Variants in DPYD observed in about 807,000 individuals in gnomAD.
DPYD encodes dihydropyrimidine dehydrogenase [NADP(+)].
Under a neutral mutation model 116.2 loss-of-function variants are expected in DPYD, and 109 were observed. The ratio of observed to expected loss-of-function variants is 0.94; its 90% CI spans 0.80 to 1.10. The LOEUF (loss-of-function observed/expected upper bound fraction) is 1.10, where lower values mean the gene tolerates loss of function less well. Among genes scored for constraint, DPYD ranks in the 50% least tolerant of loss-of-function variants. The pLI is 0.00. For synonymous variants in DPYD, 440 were observed against 432.0 expected, an observed-to-expected ratio of 1.02 and a Z score of -0.23; for missense variants, 1,302 against 1,254.5, an observed-to-expected ratio of 1.04 and a Z score of -0.57.
chr1:97,317,932 T>C (rs959466238), intron 16 of DPYD, among the ~76,000 whole-genome samples: 1 of 152,012 alleles, frequency 6.6e-6, no homozygotes, highest in African/African-American at 2.4e-5. Flanking sequence ...GGTATAGTTC[T>C]TTAAAGAATT....
chr1:97,563,034 C>T (rs1360517187), intron 11 of DPYD, among the ~76,000 whole-genome samples: 1 of 152,016 alleles, frequency 6.6e-6, no homozygotes, highest in African/African-American at 2.4e-5. Context: ...TCTAATTTAA[C>T]CAGAGTATTT....
chr1:97,346,103 C>G (rs1669827849), intron 16 of DPYD, among the ~76,000 whole-genome samples: 1 of 151,652 alleles, frequency 6.6e-6, no homozygotes. Flanking sequence ...ATGTTTTTAT[C>G]TTCCATATAC....
chr1:97,552,329 T>C (rs1382675122), intron 11 of DPYD, among the ~76,000 whole-genome samples: 1 of 152,134 alleles, frequency 6.6e-6, no homozygotes, highest in African/African-American at 2.4e-5. Context: ...GAATGTGCTT[T>C]ACCATATTTT....
chr1:97,719,718 C>G, intron 5 of DPYD: 1 of 984,834 alleles, frequency 1.0e-6, no homozygotes, highest in Non-Finnish European at 1.2e-6. Flanking sequence ...AATCAGGCAC[C>G]CTAATCGGCC....
chr1:97,377,553 G>C (rs1037317562), intron 15 of DPYD, among the ~76,000 whole-genome samples: 3 of 152,124 alleles, frequency 2.0e-5, no homozygotes, highest in Non-Finnish European at 4.4e-5. Context: ...GAAATTCTTG[G>C]AATATGACAG....
rs954469508 is a variant in DPYD at position 97,806,836 on chromosome 1, C to A, written c.233+21278G>T. Among the ~76,000 whole-genome samples the A allele has an allele frequency of 3.9e-5, 6 of 152,026 alleles. No individual in the cohort carries two copies. In the East Asian group the frequency reaches 9.6e-4, roughly 24 times the overall value. On this transcript the variant is annotated intron_variant, in intron 3 of 22. Coordinates refer to ENST00000370192, the MANE Select transcript of DPYD (RefSeq NM_000110.4). ...CACCTATTCATCTCTTCATCTTAAA[C>A]CCCTGGCAACCCCTCATATTTTCAC...
intron 10 of DPYD, among the ~76,000 whole-genome samples, chr1:97,578,751 G>A (rs1653443298): frequency 6.6e-6 from 1 of 152,284 alleles, no homozygotes; most frequent in South Asian, 2.1e-4. Context: ...CCCTTTGTGG[G>A]AAGAGGAGAC....
intron 18 of DPYD, among the ~76,000 whole-genome samples, chr1:97,303,506 G>C (rs1037687140): frequency 1.3e-5 from 2 of 151,960 alleles, no homozygotes; most frequent in African/African-American, 4.8e-5. Context: ...GCTAGGCTAA[G>C]TTTTGCTATA....
intron 13 of DPYD, among the ~76,000 whole-genome samples, chr1:97,459,883 T>G (rs1676920868): frequency 6.6e-6 from 1 of 152,054 alleles, no homozygotes; most frequent in Admixed American, 6.5e-5. Context: ...CAAAACTAAA[T>G]AGTACACTGT....
At chr1:97,808,733 C>A (rs937482283) in intron 3 of DPYD, among the ~76,000 whole-genome samples, 4 of 151,206 alleles carry the variant, frequency 2.6e-5, no homozygotes, top group African/African-American at 9.7e-5. Context: ...GGGTTTATAT[C>A]TTTTTATTAT....
chr1:97,254,068 C>A (rs923467134), intron 18 of DPYD, among the ~76,000 whole-genome samples: 3 of 152,066 alleles, frequency 2.0e-5, no homozygotes, highest in Non-Finnish European at 4.4e-5. Context: ...TTATCTAAAT[C>A]TCACAGAATC....
At chr1:97,730,738 AAGAG>A (rs753482363) in intron 4 of DPYD, among the ~76,000 whole-genome samples, 3 of 152,060 alleles carry the variant, frequency 2.0e-5, no homozygotes, top group African/African-American at 7.2e-5. Context: ...ATTAAATTTG[AAGAG>A]AGAAAGAAAA....
intron 13 of DPYD, among the ~76,000 whole-genome samples, chr1:97,485,252 C>T (rs898405682): frequency 3.3e-5 from 5 of 152,264 alleles, no homozygotes; most frequent in Admixed American, 2.6e-4. Flanking sequence ...GGCTGGAGTG[C>T]AGTGGAACAA....
chr1:97,397,902 G>A (rs1673104449), intron 14 of DPYD, among the ~76,000 whole-genome samples: 1 of 151,614 alleles, frequency 6.6e-6, no homozygotes, highest in African/African-American at 2.4e-5. Context: ...TGGATCCTAT[G>A]GTAAGAGTAT....
At chr1:97,915,111 C>A in intron 1 of DPYD, among the ~76,000 whole-genome samples, 1 of 152,054 alleles carries the variant, frequency 6.6e-6, no homozygotes. Flanking sequence ...TCCAATTAAT[C>A]CTTATAGCTA....
At chr1:97,127,197 C>T (rs966870420) in intron 20 of DPYD, among the ~76,000 whole-genome samples, 4 of 152,136 alleles carry the variant, frequency 2.6e-5, no homozygotes, top group Admixed American at 2.6e-4. Context: ...AGAGAAAAGA[C>T]ATTCCAAGCC....
intron 19 of DPYD, among the ~76,000 whole-genome samples, chr1:97,196,063 C>T (rs981771171): frequency 6.6e-6 from 1 of 151,620 alleles, no homozygotes; most frequent in South Asian, 2.1e-4. Context: ...GAGGAAGAGG[C>T]GAGCTGGGGT....
intron 20 of DPYD, among the ~76,000 whole-genome samples, chr1:97,154,117 C>T (rs1157746302): frequency 6.6e-6 from 1 of 150,892 alleles, no homozygotes; most frequent in Non-Finnish European, 1.5e-5. Context: ...AGTAGATCTA[C>T]CATTTGATCC....
At chr1:97,361,613 A>C (rs1360058518) in intron 16 of DPYD, among the ~76,000 whole-genome samples, 1 of 152,222 alleles carries the variant, frequency 6.6e-6, no homozygotes, top group East Asian at 1.9e-4. Context: ...ACCACGATCA[A>C]GTCAACTTCA....
Sources: gnomAD v4.1 joint callset for allele counts (sites outside exome capture counted in the v4.1 genomes callset) on GRCh38, gnomAD v4.1.1 for gene constraint, MANE v1.5 for transcripts, NCBI Gene and HGNC (gene_info 2026-07-23, HGNC 2026-07-21) for gene names.